The following DENND6A variants were observed in gnomAD, a reference collection of about 807,000 sequenced individuals.
DENND6A encodes the protein protein DENND6A.
In DENND6A, 43 loss-of-function variants were observed where a neutral mutation model predicts 95.5. That is an observed-to-expected ratio of 0.45 (90% confidence interval 0.35 to 0.58). The LOEUF (loss-of-function observed/expected upper bound fraction) is 0.58. Among genes scored for constraint, DENND6A ranks in the 20% least tolerant of loss-of-function variants. The pLI is 0.00. For missense variants in DENND6A, 574 were observed against 736.0 expected (o/e 0.78, Z 2.55); for synonymous variants, 257 against 260.4 (o/e 0.99, Z 0.13).
intron 9 of DENND6A, chr3:57,654,664 T>A: frequency 1.0e-6 from 1 of 985,110 alleles, no homozygotes; most frequent in South Asian, 4.7e-5. Context: ...AAAAACAGAA[T>A]GAGGAAACTA....
At chr3:57,644,304 T>C (rs1287723602) in intron 11 of DENND6A, among the ~76,000 whole-genome samples, 1 of 151,894 alleles carries the variant, frequency 6.6e-6, no homozygotes, top group Admixed American at 6.6e-5. Flanking sequence ...TATTAGAGAT[T>C]TACAAAAAAA....
intron 1 of DENND6A, among the ~76,000 whole-genome samples, chr3:57,683,918 G>T (rs1332772952): frequency 6.6e-6 from 1 of 152,050 alleles, no homozygotes; most frequent in Non-Finnish European, 1.5e-5. Context: ...ACTTTGGGAG[G>T]CCGCAGCGGG....
chr3:57,645,554 T>C (rs946727380), intron 11 of DENND6A, 107 bp downstream of exon 11: 1 of 729,696 alleles, frequency 1.4e-6, no homozygotes. Flanking sequence ...CCTCAAACTT[T>C]CCTTTTATAA....
Position 57,638,761 on chromosome 3 carries a change from A to C in DENND6A, c.1132+2892T>G, listed in dbSNP as rs181832516. Among the ~76,000 whole-genome samples the C allele has an allele frequency of 4.3e-3, 657 of 152,240 alleles. 4 individuals are homozygous for C. The highest frequency in any genetic ancestry group is 6.3e-3 in the Non-Finnish European group (427 of 68,002). ...TGAGGGAAATGAAAATGAAACCCAC[A>C]ATAAAATACTAACTCATGCCCATTA... On this transcript the variant is annotated intron_variant, in intron 12 of 19. Coordinates refer to ENST00000311128, the MANE Select transcript of DENND6A (RefSeq NM_152678.3).
intron 1 of DENND6A, among the ~76,000 whole-genome samples, chr3:57,687,667 T>C (rs926197978): frequency 6.6e-6 from 1 of 152,120 alleles, no homozygotes; most frequent in Non-Finnish European, 1.5e-5. Context: ...GTGTGGTCGC[T>C]CATGTCTGTA....
At chr3:57,658,241 A>T (rs1011610796) in intron 8 of DENND6A, among the ~76,000 whole-genome samples, 1 of 152,020 alleles carries the variant, frequency 6.6e-6, no homozygotes, top group South Asian at 2.1e-4. Flanking sequence ...ATCTCAAAAA[A>T]AAAAAAAGAA....
chr3:57,645,136 G>T (rs1339735287), intron 11 of DENND6A, among the ~76,000 whole-genome samples: 1 of 152,032 alleles, frequency 6.6e-6, no homozygotes, highest in Non-Finnish European at 1.5e-5. Flanking sequence ...CAACCCAGTC[G>T]CTATTAATGA....
chr3:57,691,693 A>AC (rs1197576010), intron 1 of DENND6A, among the ~76,000 whole-genome samples: 1 of 127,856 alleles, frequency 7.8e-6, no homozygotes, highest in Non-Finnish European at 1.7e-5. Context: ...AAAAAAAAAA[A>AC]CCAAAACCAA....
At chr3:57,687,744 A>G (rs149842997) in intron 1 of DENND6A, among the ~76,000 whole-genome samples, 2,039 of 152,124 alleles carry the variant, frequency 0.013, 49 homozygotes, top group African/African-American at 0.046. Context: ...ACCAGCCTGG[A>G]CAACAAAGCA....
chr3:57,659,116 AC>A lies in DENND6A; in HGVS notation c.762+1del, dbSNP rs774155145. 6.2e-7 allele frequency: 1 copy of A among 1,613,890 alleles called. No individual in the cohort carries two copies. The highest frequency in any genetic ancestry group is 1.3e-5 in the African/African-American group (1 of 74,910). ...GATCATTCTACCATAGTACCACACT[AC>A]CTGCTGAGTTAACTGCACTATTTGA... On this transcript the variant is annotated splice_donor_variant, in intron 8 of 19. Coordinates refer to ENST00000311128, the MANE Select transcript of DENND6A (RefSeq NM_152678.3). LOFTEE classifies it high-confidence loss of function.
At chr3:57,652,324 G>A (rs975038086) in intron 9 of DENND6A, among the ~76,000 whole-genome samples, 2 of 152,254 alleles carry the variant, frequency 1.3e-5, no homozygotes, top group Admixed American at 6.5e-5. Context: ...CATAAGGCTA[G>A]GGCTGAGACC....
chr3:57,651,674 A>G (rs2153414598), intron 9 of DENND6A, among the ~76,000 whole-genome samples: 2 of 152,110 alleles, frequency 1.3e-5, no homozygotes, highest in Middle Eastern at 3.4e-3. Flanking sequence ...ATTACAAACC[A>G]GTTTATTTAA....
intron 6 of DENND6A, among the ~76,000 whole-genome samples, 186 bp downstream of exon 6, chr3:57,661,260 C>A (rs1035047298): frequency 6.6e-6 from 1 of 152,124 alleles, no homozygotes; most frequent in Non-Finnish European, 1.5e-5. Context: ...AAGGAGATAA[C>A]AAAAGACAGT....
intron 5 of DENND6A, among the ~76,000 whole-genome samples, chr3:57,662,029 CA>C (rs895904225): frequency 6.9e-6 from 1 of 144,186 alleles, no homozygotes; most frequent in African/African-American, 2.5e-5. Context: ...AATTTTTAAA[CA>C]TTTTTTTTTT....
chr3:57,655,646 G>A (rs1277722323), intron 9 of DENND6A, among the ~76,000 whole-genome samples: 3 of 152,076 alleles, frequency 2.0e-5, no homozygotes, highest in African/African-American at 4.8e-5. Flanking sequence ...ATTACGTTCA[G>A]GCTATGTGTA....
At chr3:57,657,556 T>C in intron 9 of DENND6A, 124 bp downstream of exon 9, 2 of 633,008 alleles carry the variant, frequency 3.2e-6, no homozygotes, top group South Asian at 1.9e-5. Flanking sequence ...ATTTATAACA[T>C]GTAAAACATA....
At chr3:57,640,921 TCC>T (rs1468465916) in intron 12 of DENND6A, among the ~76,000 whole-genome samples, 1 of 151,954 alleles carries the variant, frequency 6.6e-6, no homozygotes, top group Non-Finnish European at 1.5e-5. Flanking sequence ...TCTGTTAAAC[TCC>T]TACCATGAAC....
Position 57,661,522 on chromosome 3 carries a change from A to G in DENND6A, c.543T>C (p.Tyr181=), listed in dbSNP as rs377529550. The change falls in exon 6 of 20, where the codon TAT becomes TAC. Residue 181 remains tyrosine, a synonymous_variant. Transcript: ENST00000311128. ...KSLVLISKLP[Y]IHFFHTVLKQ... ...TGAGCACAGTGTGAAAAAAATGAAT[A>G]TAAGGTAGTTTGCTGATCAAAACCA... 6.3e-7 allele frequency: 1 copy of G among 1,581,266 alleles called. No homozygotes were observed. The highest frequency in any genetic ancestry group is 1.2e-5 in the South Asian group (1 of 83,650).
intron 4 of DENND6A, among the ~76,000 whole-genome samples, chr3:57,664,731 G>A (rs1274111532): frequency 3.3e-5 from 5 of 152,196 alleles, no homozygotes; most frequent in Non-Finnish European, 7.3e-5. Flanking sequence ...TACTCAGGAG[G>A]CTGAGGCAGG....
Sources: gnomAD v4.1 joint callset for allele counts (sites outside exome capture counted in the v4.1 genomes callset) on GRCh38, gnomAD v4.1.1 for gene constraint, MANE v1.5 for transcripts, NCBI Gene and HGNC (gene_info 2026-07-23, HGNC 2026-07-21) for gene names.